The following NRG3 variants were observed in gnomAD, a reference collection of about 807,000 sequenced individuals.
NRG3 encodes the protein pro-neuregulin-3, membrane-bound isoform.
A neutral mutation model predicts 66.9 loss-of-function variants in NRG3; 31 were observed. The ratio of observed to expected loss-of-function variants is 0.46; its 90% CI spans 0.35 to 0.63. The LOEUF (loss-of-function observed/expected upper bound fraction) is 0.63. Ranked by LOEUF, NRG3 falls within the 20% of genes least tolerant of loss-of-function variation. The probability of loss-of-function intolerance (pLI) is 0.00; values close to 1 mark genes in which losing one functional copy is unlikely to be tolerated. For synonymous variants in NRG3, 393 were observed against 359.4 expected (o/e 1.09, Z -1.06); for missense variants, 910 against 878.9 (o/e 1.04, Z -0.45).
At chr10:82,658,784 A>G (rs2052079085) in intron 2 of NRG3, among the ~76,000 whole-genome samples, 1 of 152,186 alleles carries the variant, frequency 6.6e-6, no homozygotes, top group Non-Finnish European at 1.5e-5. Context: ...TCACATTAAA[A>G]TTTATTATTT....
intron 1 of NRG3, among the ~76,000 whole-genome samples, chr10:81,960,425 G>A (rs1181929721): frequency 1.3e-5 from 2 of 151,798 alleles, no homozygotes; most frequent in South Asian, 2.1e-4. Flanking sequence ...ATAATTTACC[G>A]AGTTAGTTTG....
At chr10:82,807,152 C>T (rs549564225) in intron 3 of NRG3, among the ~76,000 whole-genome samples, 2 of 152,146 alleles carry the variant, frequency 1.3e-5, no homozygotes, top group Non-Finnish European at 2.9e-5. Context: ...CAATTTCTTT[C>T]CCTCTAATCA....
At chr10:82,826,436 A>T (rs1310390567) in intron 3 of NRG3, among the ~76,000 whole-genome samples, 1 of 152,242 alleles carries the variant, frequency 6.6e-6, no homozygotes. Flanking sequence ...GTTGGGGCAG[A>T]GGAATAAAAG....
intron 2 of NRG3, among the ~76,000 whole-genome samples, chr10:82,725,053 T>C (rs565153063): frequency 1.1e-4 from 17 of 152,344 alleles, no homozygotes; most frequent in African/African-American, 3.8e-4. Context: ...TCTTGTGTTT[T>C]ATCTGTGATT....
intron 3 of NRG3, among the ~76,000 whole-genome samples, chr10:82,857,538 A>C (rs914069224): frequency 6.6e-6 from 1 of 152,222 alleles, no homozygotes; most frequent in African/African-American, 2.4e-5. Flanking sequence ...TTGGGATTAC[A>C]GAACTGCAGT....
intron 4 of NRG3, among the ~76,000 whole-genome samples, chr10:82,929,715 C>G (rs1034409430): frequency 2.0e-5 from 3 of 151,794 alleles, no homozygotes; most frequent in African/African-American, 7.3e-5. Context: ...CCCATGTCTA[C>G]TAAAAATACA....
At chr10:82,876,040 A>G (rs1442385626) in intron 4 of NRG3, among the ~76,000 whole-genome samples, 1 of 152,240 alleles carries the variant, frequency 6.6e-6, no homozygotes, top group African/African-American at 2.4e-5. Context: ...ATTTCTACAA[A>G]GAAGAACATG....
chr10:82,220,809 C>T (rs940968999), intron 1 of NRG3, among the ~76,000 whole-genome samples: 1 of 152,090 alleles, frequency 6.6e-6, no homozygotes, highest in Non-Finnish European at 1.5e-5. Context: ...GCCTGGACAA[C>T]ATAGTGAAAT....
chr10:82,517,287 G>T (rs923455280), intron 2 of NRG3, among the ~76,000 whole-genome samples: 31 of 152,118 alleles, frequency 2.0e-4, no homozygotes, highest in African/African-American at 7.0e-4. Flanking sequence ...TTTTTCACTG[G>T]AGTCATTGCT....
At chr10:82,374,550 T>G (rs1177497375) in intron 2 of NRG3, among the ~76,000 whole-genome samples, 1 of 152,204 alleles carries the variant, frequency 6.6e-6, no homozygotes, top group African/African-American at 2.4e-5. Context: ...AAACAGTGAA[T>G]AAGACTAGTG....
intron 1 of NRG3, among the ~76,000 whole-genome samples, chr10:81,961,562 T>C (rs1229986391): frequency 2.0e-5 from 3 of 152,256 alleles, no homozygotes; most frequent in African/African-American, 7.2e-5. Flanking sequence ...TATTCATTTC[T>C]AGAATCATAC....
chr10:81,968,518 C>T (rs1016873428), intron 1 of NRG3, among the ~76,000 whole-genome samples: 1 of 152,174 alleles, frequency 6.6e-6, no homozygotes, highest in Non-Finnish European at 1.5e-5. Flanking sequence ...GGACTGGGCA[C>T]CCCTCTTCCA....
chr10:82,118,790 G>A (rs2067891826), intron 1 of NRG3, among the ~76,000 whole-genome samples: 1 of 152,092 alleles, frequency 6.6e-6, no homozygotes, highest in Non-Finnish European at 1.5e-5. Flanking sequence ...GCCTATGCAA[G>A]TGTGTTACAG....
At chr10:82,362,799 G>T (rs1021283819) in intron 2 of NRG3, among the ~76,000 whole-genome samples, 5 of 152,052 alleles carry the variant, frequency 3.3e-5, no homozygotes, top group Non-Finnish European at 5.9e-5. Context: ...AGAGGAAAAT[G>T]AGAGACTGAT....
chr10:82,413,331 A>G (rs1488854080), intron 2 of NRG3, among the ~76,000 whole-genome samples: 1 of 152,208 alleles, frequency 6.6e-6, no homozygotes, highest in Non-Finnish European at 1.5e-5. Context: ...GCAATTGTCA[A>G]TGAACAGTAA....
intron 2 of NRG3, among the ~76,000 whole-genome samples, chr10:82,618,733 T>C (rs2133585739): frequency 6.6e-6 from 1 of 152,188 alleles, no homozygotes; most frequent in East Asian, 1.9e-4. Flanking sequence ...TATTATGAAA[T>C]GTTAATTATT....
intron 1 of NRG3, among the ~76,000 whole-genome samples, chr10:81,879,546 CAAAG>C (rs1449289528): frequency 2.0e-5 from 3 of 152,246 alleles, no homozygotes; most frequent in Admixed American, 6.5e-5. Flanking sequence ...ATACTAAAGA[CAAAG>C]AGCCTCTTTT....
intron 1 of NRG3, among the ~76,000 whole-genome samples, chr10:81,936,121 G>C (rs185678599): frequency 6.6e-6 from 1 of 152,258 alleles, no homozygotes; most frequent in East Asian, 1.9e-4. Flanking sequence ...CTATGGAATA[G>C]AGGGAACAGT....
At chr10:82,856,509 C>G (rs988064860) in intron 3 of NRG3, among the ~76,000 whole-genome samples, 1 of 151,934 alleles carries the variant, frequency 6.6e-6, no homozygotes, top group East Asian at 1.9e-4. Context: ...CTTTGGGAGG[C>G]CAAGGTGGGC....
Sources: gnomAD v4.1 joint callset for allele counts (sites outside exome capture counted in the v4.1 genomes callset) on GRCh38, gnomAD v4.1.1 for gene constraint, MANE v1.5 for transcripts, NCBI Gene and HGNC (gene_info 2026-07-23, HGNC 2026-07-21) for gene names.